Variants in FAM53A observed in about 807,000 individuals in gnomAD.
The protein encoded by FAM53A is family with sequence similarity 53 member A, also known as protein FAM53A.
A neutral mutation model predicts 26.6 loss-of-function variants in FAM53A; 28 were observed. That is an observed-to-expected ratio of 1.05 (90% CI 0.78 to 1.45). The LOEUF (loss-of-function observed/expected upper bound fraction) is 1.45. Among genes scored for constraint, FAM53A ranks in the 40% most tolerant of loss-of-function variants. The pLI is 0.00. For missense variants in FAM53A, 650 were observed against 575.8 expected, an observed-to-expected ratio of 1.13 and a Z score of -1.32; for synonymous variants, 290 against 253.1, an observed-to-expected ratio of 1.15 and a Z score of -1.38.
At chr4:1,613,018 C>T (rs934336944), downstream of FAM53A, among the ~76,000 whole-genome samples, 1 of 152,230 alleles carries the variant, frequency 6.6e-6, no homozygotes, top group Non-Finnish European at 1.5e-5. Flanking sequence ...GGCACGGCCT[C>T]CCAGCCCTAC....
chr4:1,587,620 T>C, the FAM53A span, among the ~76,000 whole-genome samples: 1 of 151,996 alleles, frequency 6.6e-6, no homozygotes, highest in African/African-American at 2.4e-5. Context: ...TGCAGTGAGC[T>C]GAGATTGCGC....
At chr4:1,589,057 C>T in the FAM53A span, among the ~76,000 whole-genome samples, 5 of 152,162 alleles carry the variant, frequency 3.3e-5, no homozygotes, top group African/African-American at 7.2e-5. Context: ...ATCTCGTACT[C>T]GCTTCTATGG....
the FAM53A span, among the ~76,000 whole-genome samples, chr4:1,590,989 T>TATATACACACAC: frequency 7.1e-5 from 9 of 126,820 alleles, no homozygotes; most frequent in African/African-American, 2.4e-4. Flanking sequence ...TATATATATA[T>TATATACACACAC]ATATATATAT....
the FAM53A span, chr4:1,580,369 G>A: frequency 6.6e-6 from 1 of 152,244 alleles, no homozygotes; most frequent in Admixed American, 6.5e-5. Flanking sequence ...CATACCCCGC[G>A]GGCCACCAGT....
At chr4:1,679,246 G>A (rs1161117985) in intron 1 of FAM53A, among the ~76,000 whole-genome samples, 1 of 151,678 alleles carries the variant, frequency 6.6e-6, no homozygotes, top group Non-Finnish European at 1.5e-5. Flanking sequence ...AATTAGCCGG[G>A]CGTGTGGGCA....
At chr4:1,582,306 A>G in the FAM53A span, among the ~76,000 whole-genome samples, 1 of 152,202 alleles carries the variant, frequency 6.6e-6, no homozygotes, top group African/African-American at 2.4e-5. Flanking sequence ...CATGCTGCCT[A>G]GCAGGGCTGG....
downstream of FAM53A, among the ~76,000 whole-genome samples, chr4:1,637,577 C>A (rs1315865106): frequency 6.6e-6 from 1 of 152,108 alleles, no homozygotes; most frequent in African/African-American, 2.4e-5. Context: ...TCCACAGGGA[C>A]AGGAGCCCTG....
intron 1 of FAM53A, among the ~76,000 whole-genome samples, chr4:1,634,598 T>A (rs991717609): frequency 6.6e-6 from 1 of 152,134 alleles, no homozygotes; most frequent in Non-Finnish European, 1.5e-5. Flanking sequence ...GTGGAGGTTG[T>A]CTATAAAATC....
At chr4:1,592,643 CA>C in the FAM53A span, among the ~76,000 whole-genome samples, 1 of 152,138 alleles carries the variant, frequency 6.6e-6, no homozygotes, top group East Asian at 1.9e-4. Context: ...AGGGCCGTGA[CA>C]CTGGAGAGCC....
chr4:1,591,306 C>G, the FAM53A span, among the ~76,000 whole-genome samples: 1 of 152,040 alleles, frequency 6.6e-6, no homozygotes, highest in Admixed American at 6.6e-5. Flanking sequence ...ATTTATTGTA[C>G]TCACTGTTGC....
the FAM53A span, among the ~76,000 whole-genome samples, chr4:1,602,054 C>T: frequency 2.6e-5 from 4 of 151,034 alleles, no homozygotes; most frequent in East Asian, 2.0e-4. Context: ...GGAGATGGGA[C>T]GGTGGGTGTC....
the FAM53A span, among the ~76,000 whole-genome samples, chr4:1,594,545 T>C: frequency 2.0e-5 from 3 of 152,224 alleles, no homozygotes; most frequent in African/African-American, 7.2e-5. Flanking sequence ...TGTGGATCTA[T>C]GCTTTAATAG....
At chr4:1,594,701 G>C in the FAM53A span, among the ~76,000 whole-genome samples, 1 of 152,162 alleles carries the variant, frequency 6.6e-6, no homozygotes, top group Admixed American at 6.6e-5. Context: ...AGTTAGCCGG[G>C]TGTGGTGGCT....
the FAM53A span, among the ~76,000 whole-genome samples, chr4:1,584,226 G>A: frequency 2.0e-5 from 3 of 152,034 alleles, no homozygotes; most frequent in Non-Finnish European, 4.4e-5. Context: ...TTGTTCTTTT[G>A]GAGTCTTGCT....
intron 1 of FAM53A, among the ~76,000 whole-genome samples, chr4:1,625,702 G>A (rs1249932336): frequency 7.2e-6 from 1 of 138,028 alleles, no homozygotes; most frequent in Admixed American, 7.2e-5. Flanking sequence ...AAGGCCCTAC[G>A]TACCAGCCCA....
At chr4:1,683,879 A>C (rs982753591) in intron 1 of FAM53A, 14 of 152,236 alleles carry the variant, frequency 9.2e-5, no homozygotes, top group Non-Finnish European at 1.5e-5. Flanking sequence ...ATCCGCCGCA[A>C]GTCCCCTCCT....
At chr4:1,650,558 G>T (rs933656689) in intron 4 of FAM53A, among the ~76,000 whole-genome samples, 1 of 151,942 alleles carries the variant, frequency 6.6e-6, no homozygotes, top group South Asian at 2.1e-4. Flanking sequence ...GTGCAGTGGC[G>T]TGATCTCAGT....
chr4:1,605,478 G>A, the FAM53A span, among the ~76,000 whole-genome samples: 561 of 152,322 alleles, frequency 3.7e-3, 7 homozygotes, highest in African/African-American at 0.013. The surrounding 1 kb of genome is among the most constrained non-coding windows in gnomAD (Gnocchi z 5.7). Flanking sequence ...CTGACTCGGA[G>A]TGTGGTTGTG....
chr4:1,681,816 C>T lies in FAM53A; in HGVS notation c.-165+2417G>A, dbSNP rs144589880. ...CCAAGCCTGGCCAAGAAATTCAAAT[C>T]GTAAAATGAAGATTATCATTGTAAC... On this transcript the variant is annotated intron_variant, in intron 1 of 4. Transcript: ENST00000308132. Among the ~76,000 whole-genome samples, 251 of 152,094 alleles carry T rather than the reference C, an allele frequency of 1.7e-3. 1 individual carries two copies. The East Asian group carries it at 0.041, about 25-fold the overall frequency.
Sources: gnomAD v4.1 joint callset for allele counts (sites outside exome capture counted in the v4.1 genomes callset) on GRCh38, gnomAD v4.1.1 for gene constraint, Gnocchi (gnomAD v3.1) non-coding constraint, MANE v1.5 for transcripts, NCBI Gene and HGNC (gene_info 2026-07-23, HGNC 2026-07-21) for gene names.